Variants in CSMD3 observed in about 807,000 individuals in gnomAD.
The protein encoded by CSMD3 is CUB and Sushi multiple domains 3.
A neutral mutation model predicts 435.2 loss-of-function variants in CSMD3; 177 were observed. The observed-to-expected ratio is 0.41, with a 90% CI of 0.36 to 0.46. CSMD3 has a LOEUF of 0.46. CSMD3 is among the 20% of genes least tolerant of loss of function. CSMD3 has a pLI of 0.34. For missense variants in CSMD3, 4,265 were observed against 4,504.6 expected (o/e 0.95, Z 1.52); for synonymous variants, 1,656 against 1,520.5 (o/e 1.09, Z -2.07).
chr8:112,628,698 C>A (rs1163542777), intron 22 of CSMD3, among the ~76,000 whole-genome samples: 1 of 152,032 alleles, frequency 6.6e-6, no homozygotes, highest in Non-Finnish European at 1.5e-5. Flanking sequence ...ATGCTAAACA[C>A]TGTTGTAGAT....
At position 113,373,253 on chromosome 8, in the gene CSMD3, A is replaced by G. The variant is rs188469724; in HGVS notation, c.179-58460T>C. The stretch of plus-strand genomic sequence containing the variant: ...CCTGCTTCAATCTGTACTCAAAACC[A>G]CTCAGGAAAAAATAAAATCTCTGCA... On this transcript the variant is annotated intron_variant, in intron 1 of 70. Transcript: ENST00000297405. Among the ~76,000 whole-genome samples the G allele has an allele frequency of 3.3e-5, 5 of 152,100 alleles. No individual in the cohort carries two copies. The East Asian group carries it at 5.8e-4, about 18-fold the overall frequency.
intron 27 of CSMD3, among the ~76,000 whole-genome samples, chr8:112,532,631 TA>T (rs1159122292): frequency 2.6e-5 from 4 of 151,812 alleles, no homozygotes; most frequent in South Asian, 2.1e-4. Context: ...GAAGGAGAAA[TA>T]AAAACTTTCA....
chr8:113,161,662 A>G (rs2092042031), intron 4 of CSMD3, among the ~76,000 whole-genome samples: 1 of 152,104 alleles, frequency 6.6e-6, no homozygotes, highest in Admixed American at 6.6e-5. Context: ...ATTTGCCATT[A>G]TGTCATAAGA....
At chr8:112,299,253 C>A (rs1820674848) in intron 53 of CSMD3, among the ~76,000 whole-genome samples, 1 of 151,910 alleles carries the variant, frequency 6.6e-6, no homozygotes, top group South Asian at 2.1e-4. Flanking sequence ...GAGGTAATGG[C>A]AATATTCTAT....
chr8:113,192,543 G>A (rs897520776), intron 3 of CSMD3, among the ~76,000 whole-genome samples: 2 of 151,522 alleles, frequency 1.3e-5, no homozygotes, highest in African/African-American at 4.8e-5. Flanking sequence ...GGACTTAAAT[G>A]ACTACTGCTG....
At chr8:112,231,483 C>CT (rs903930319) in intron 69 of CSMD3, 62 bp downstream of exon 69, 100 of 1,051,386 alleles carry the variant, frequency 9.5e-5, no homozygotes, top group East Asian at 2.6e-4. Flanking sequence ...AATCCACAGT[C>CT]TTTTTTTTAT....
chr8:113,221,232 T>C (rs1588303659), intron 3 of CSMD3, among the ~76,000 whole-genome samples: 2 of 151,386 alleles, frequency 1.3e-5, no homozygotes, highest in East Asian at 3.9e-4. Context: ...AATTGAAAAC[T>C]GTACTCTGAT....
intron 10 of CSMD3, among the ~76,000 whole-genome samples, chr8:112,900,402 AT>A (rs2082080628): frequency 6.6e-6 from 1 of 151,294 alleles, no homozygotes; most frequent in Admixed American, 6.6e-5. Flanking sequence ...GACAGGCATA[AT>A]ATAGTGCCTG....
In CSMD3 at chr8:112,558,255, G is replaced by A. The variant is rs140114953; in HGVS notation, c.4043-1301C>T. On this transcript the variant is annotated intron_variant, in intron 24 of 70. Transcript: ENST00000297405. Reference sequence around the variant, plus strand: ...AACTAGAAAACCTCTCCCCCAAAGCGAGCCACAGAACCTAGAAAGGTCATT... The same window carrying A: ...AACTAGAAAACCTCTCCCCCAAAGCAAGCCACAGAACCTAGAAAGGTCATT... 5.9e-5 allele frequency among the ~76,000 whole-genome samples: 9 copies of A among 151,698 alleles called. No individual in the cohort carries two copies. The East Asian group carries it at 9.8e-4, about 16-fold the overall frequency.
intron 38 of CSMD3, among the ~76,000 whole-genome samples, chr8:112,357,607 G>T (rs1424775676): frequency 6.6e-6 from 1 of 152,150 alleles, no homozygotes; most frequent in Non-Finnish European, 1.5e-5. Context: ...AGGAAAAAGT[G>T]GTTTCATGGG....
intron 6 of CSMD3, among the ~76,000 whole-genome samples, chr8:113,009,459 T>G (rs1440074224): frequency 6.6e-6 from 1 of 151,860 alleles, no homozygotes; most frequent in Middle Eastern, 3.2e-3. Context: ...GGAATCTCTA[T>G]TTCACTCTGT....
intron 5 of CSMD3, among the ~76,000 whole-genome samples, chr8:113,034,925 C>T (rs1002230395): frequency 6.6e-6 from 1 of 151,910 alleles, no homozygotes; most frequent in Admixed American, 6.6e-5. Context: ...GAAGCAGAAA[C>T]TGATACTACT....
rs145311734 is a variant in CSMD3, at chr8:112,904,892, C to G, written c.1633+16735G>C. Reference sequence around the variant, plus strand: ...GCCACCTGCCTCTCTAAAGTAGACACTGATGTTGATGTAATTTGTTCTGCA... The same window carrying G: ...GCCACCTGCCTCTCTAAAGTAGACAGTGATGTTGATGTAATTTGTTCTGCA... On this transcript the variant is annotated intron_variant, in intron 10 of 70. Transcript: ENST00000297405. Among the ~76,000 whole-genome samples, 436 of 151,490 alleles carry G rather than the reference C, an allele frequency of 2.9e-3. 4 individuals carry two copies. The highest frequency in any genetic ancestry group is 1.0e-2 in the African/African-American group (413 of 41,444).
At chr8:113,257,342 C>T (rs1270150079) in intron 3 of CSMD3, among the ~76,000 whole-genome samples, 2 of 152,062 alleles carry the variant, frequency 1.3e-5, no homozygotes, top group Admixed American at 6.5e-5. Context: ...ACCCAGGAGG[C>T]GGAGTTTGCA....
chr8:112,848,506 A>G (rs1210077710), intron 11 of CSMD3, among the ~76,000 whole-genome samples: 1 of 152,122 alleles, frequency 6.6e-6, no homozygotes, highest in African/African-American at 2.4e-5. Flanking sequence ...TAAATACTCA[A>G]CATATCTCAA....
chr8:112,405,246 T>TATATAC (rs1199452249), intron 35 of CSMD3, among the ~76,000 whole-genome samples: 151 of 81,488 alleles, frequency 1.9e-3, no homozygotes, highest in African/African-American at 7.6e-3. Flanking sequence ...TATATATATA[T>TATATAC]ACATATATAT....
chr8:112,722,173 GC>G (rs1208855921), intron 13 of CSMD3, among the ~76,000 whole-genome samples: 1 of 148,706 alleles, frequency 6.7e-6, no homozygotes, highest in Non-Finnish European at 1.5e-5. Context: ...TGTTAACTCT[GC>G]TAAAAATTCA....
intron 32 of CSMD3, among the ~76,000 whole-genome samples, chr8:112,455,997 A>G (rs1816801234): frequency 6.6e-6 from 1 of 152,224 alleles, no homozygotes; most frequent in Admixed American, 6.6e-5. Flanking sequence ...AGTTTTATTC[A>G]TATAAACCAC....
Position 112,871,131 on chromosome 8 carries a change from G to A in CSMD3, c.1634-11865C>T, listed in dbSNP as rs75562098. Among the ~76,000 whole-genome samples, 5 of 152,284 alleles carry A rather than the reference G, an allele frequency of 3.3e-5. No individual in the cohort carries two copies. The East Asian group carries it at 9.6e-4, about 29-fold the overall frequency. Reference sequence around the variant, plus strand: ...GTGATTATTACCATTAAACATGGTTGAGTTGAAATGCTTTAGGGATGTGCT... The same window carrying A: ...GTGATTATTACCATTAAACATGGTTAAGTTGAAATGCTTTAGGGATGTGCT... On this transcript the variant is annotated intron_variant, in intron 10 of 70. Coordinates refer to ENST00000297405, the MANE Select transcript of CSMD3 (RefSeq NM_198123.2).
Sources: allele counts gnomAD v4.1 joint callset (sites outside exome capture counted in the v4.1 genomes callset), GRCh38; gene constraint gnomAD v4.1.1; transcripts MANE v1.5; gene names NCBI Gene and HGNC (gene_info 2026-07-23, HGNC 2026-07-21).